Variants in WDR70 observed in about 807,000 individuals in gnomAD.
The protein encoded by WDR70 is WD repeat domain 70, also known as WD repeat-containing protein 70.
In WDR70, 53 loss-of-function variants were observed where a neutral mutation model predicts 88.6. The observed-to-expected ratio is 0.60, with a 90% confidence interval of 0.48 to 0.75. The LOEUF (loss-of-function observed/expected upper bound fraction) is 0.75, where lower values mean the gene tolerates loss of function less well. Among genes scored for constraint, WDR70 ranks in the 30% least tolerant of loss-of-function variants. WDR70 has a pLI of 0.00. For missense variants in WDR70, 610 were observed against 823.2 expected, an observed-to-expected ratio of 0.74 and a Z score of 3.17; for synonymous variants, 280 against 270.0, an observed-to-expected ratio of 1.04 and a Z score of -0.36.
At chr5:37,650,760 G>A (rs1745383889) in intron 10 of WDR70, among the ~76,000 whole-genome samples, 1 of 152,110 alleles carries the variant, frequency 6.6e-6, no homozygotes, top group Admixed American at 6.5e-5. Flanking sequence ...GTATGGAGGG[G>A]AGAGCAGATG....
intron 9 of WDR70, among the ~76,000 whole-genome samples, chr5:37,542,876 C>G (rs1214605666): frequency 1.3e-5 from 2 of 152,186 alleles, no homozygotes; most frequent in African/African-American, 4.8e-5. Context: ...TATCCATGCC[C>G]TTTGCAATGT....
intron 9 of WDR70, among the ~76,000 whole-genome samples, chr5:37,544,172 C>T (rs1741916445): frequency 6.6e-6 from 1 of 152,154 alleles, no homozygotes; most frequent in Non-Finnish European, 1.5e-5. Context: ...GGATTGTCTG[C>T]ATTGGATTAT....
intron 17 of WDR70, among the ~76,000 whole-genome samples, chr5:37,741,369 C>T (rs550217255): frequency 1.3e-5 from 2 of 151,750 alleles, no homozygotes; most frequent in Non-Finnish European, 2.9e-5. Context: ...GTTGTGCAAA[C>T]TCTCCAGAAC....
chr5:37,585,767 G>A lies in WDR70; in HGVS notation c.918-19297G>A, dbSNP rs1013130029. On this transcript the variant is annotated intron_variant, in intron 9 of 17. Coordinates refer to ENST00000265107, the MANE Select transcript of WDR70 (RefSeq NM_018034.4). ...GGAGCGTCAGTCTAGGCTGACTTTG[G>A]GACACATTGCTTGGGTTCCTGCCCT... Among the ~76,000 whole-genome samples the A allele has an allele frequency of 1.8e-4, 27 of 152,090 alleles. 1 individual carries two copies. The highest frequency in any genetic ancestry group is 1.5e-5 in the Non-Finnish European group (1 of 68,024).
intron 3 of WDR70, among the ~76,000 whole-genome samples, chr5:37,389,420 A>AT (rs1462969116): frequency 1.4e-5 from 2 of 145,454 alleles, no homozygotes; most frequent in African/African-American, 5.1e-5. Context: ...TTATTTATTT[A>AT]TTTTTTTTGA....
chr5:37,714,389 G>A (rs182608062), intron 13 of WDR70, among the ~76,000 whole-genome samples: 94 of 152,312 alleles, frequency 6.2e-4, no homozygotes, highest in African/African-American at 2.2e-3. Context: ...ACCAGGTGGA[G>A]TTGGGTTTAC....
intron 9 of WDR70, among the ~76,000 whole-genome samples, chr5:37,548,059 T>TAA (rs887253351): frequency 1.4e-4 from 22 of 152,190 alleles, no homozygotes; most frequent in Non-Finnish European, 2.5e-4. Context: ...GATGGACACT[T>TAA]AGTTTGGGTT....
intron 7 of WDR70, among the ~76,000 whole-genome samples, chr5:37,468,236 A>G (rs1581309318): frequency 6.6e-6 from 1 of 152,200 alleles, no homozygotes; most frequent in African/African-American, 2.4e-5. Context: ...TGTAAATCTG[A>G]TAGGTTTCTT....
chr5:37,523,925 A>G (rs185518179), intron 9 of WDR70, among the ~76,000 whole-genome samples: 1 of 152,346 alleles, frequency 6.6e-6, no homozygotes, highest in Admixed American at 6.5e-5. Flanking sequence ...AGAGACGTTT[A>G]GAGAAAAAAG....
chr5:37,617,264 A>G (rs1370734937), intron 10 of WDR70, among the ~76,000 whole-genome samples: 1 of 152,206 alleles, frequency 6.6e-6, no homozygotes, highest in East Asian at 1.9e-4. Flanking sequence ...ACTCTAGAAT[A>G]TGCACTCCAA....
chr5:37,463,152 A>G (rs1330918054), intron 7 of WDR70, among the ~76,000 whole-genome samples: 1 of 152,084 alleles, frequency 6.6e-6, no homozygotes, highest in African/African-American at 2.4e-5. Context: ...CGCACCTGTA[A>G]TCCCAGCTAC....
At chr5:37,687,044 T>C (rs1220426569) in intron 10 of WDR70, among the ~76,000 whole-genome samples, 1 of 152,020 alleles carries the variant, frequency 6.6e-6, no homozygotes, top group East Asian at 1.9e-4. Context: ...TATTCTTTGC[T>C]TAGGATGATT....
intron 9 of WDR70, among the ~76,000 whole-genome samples, chr5:37,519,429 G>A (rs878886219): frequency 1.3e-5 from 2 of 149,438 alleles, no homozygotes; most frequent in East Asian, 2.0e-4. Flanking sequence ...CGGGGCGGCC[G>A]GGCGGAGGCG....
intron 9 of WDR70, among the ~76,000 whole-genome samples, chr5:37,578,254 A>G (rs1743114533): frequency 6.6e-6 from 1 of 152,230 alleles, no homozygotes; most frequent in African/African-American, 2.4e-5. Context: ...GCATGAATAT[A>G]GGCAGAGTGG....
At chr5:37,696,188 T>C (rs1035490903) in intron 10 of WDR70, among the ~76,000 whole-genome samples, 3 of 152,144 alleles carry the variant, frequency 2.0e-5, no homozygotes, top group African/African-American at 7.2e-5. Context: ...ACAGTTGATA[T>C]CCAATAAAAA....
chr5:37,425,384 T>G (rs1246898802), intron 5 of WDR70, among the ~76,000 whole-genome samples: 1 of 152,118 alleles, frequency 6.6e-6, no homozygotes, highest in Non-Finnish European at 1.5e-5. Context: ...AATAGGGCGG[T>G]CAAGTTAGGC....
At chr5:37,397,360 C>CT (rs767553308) in intron 5 of WDR70, among the ~76,000 whole-genome samples, 2 of 150,626 alleles carry the variant, frequency 1.3e-5, no homozygotes, top group Non-Finnish European at 1.5e-5. Context: ...TCCCAGCACT[C>CT]TGAGAGGCCG....
chr5:37,612,526 C>G (rs975453058), intron 10 of WDR70, among the ~76,000 whole-genome samples: 1 of 152,108 alleles, frequency 6.6e-6, no homozygotes, highest in Non-Finnish European at 1.5e-5. Context: ...TCAGATAGGA[C>G]GTGCACATAA....
At chr5:37,430,076 C>T (rs1004811940) in intron 5 of WDR70, among the ~76,000 whole-genome samples, 2 of 152,130 alleles carry the variant, frequency 1.3e-5, no homozygotes, top group African/African-American at 4.8e-5. Flanking sequence ...AAAATTATTT[C>T]TAAGTTTTAA....
Sources: gnomAD v4.1 joint callset for allele counts (sites outside exome capture counted in the v4.1 genomes callset) on GRCh38, gnomAD v4.1.1 for gene constraint, MANE v1.5 for transcripts, NCBI Gene and HGNC (gene_info 2026-07-23, HGNC 2026-07-21) for gene names.